TULP3: variants seen among roughly 807,000 people sequenced by gnomAD.
TULP3 encodes tubby-related protein 3.
A neutral mutation model predicts 50.7 loss-of-function variants in TULP3; 38 were observed. The observed-to-expected ratio is 0.75, with a 90% CI of 0.58 to 0.98. The LOEUF (loss-of-function observed/expected upper bound fraction) is 0.98, where lower values mean the gene tolerates loss of function less well. Ranked by LOEUF, TULP3 falls within the 50% of genes least tolerant of loss-of-function variation. The pLI, the probability that TULP3 is intolerant of heterozygous loss-of-function variation, is 0.00. For missense variants in TULP3, 550 were observed against 568.0 expected (o/e 0.97, Z 0.32); for synonymous variants, 183 against 196.6 (o/e 0.93, Z 0.58).
chr12:2,892,136 A>T (rs2098172490), intron 1 of TULP3, among the ~76,000 whole-genome samples: 1 of 152,090 alleles, frequency 6.6e-6, no homozygotes, highest in South Asian at 2.1e-4. Context: ...CCACTAGTAG[A>T]TATTTAAACA....
intron 1 of TULP3, among the ~76,000 whole-genome samples, chr12:2,906,413 C>T (rs2098182276): frequency 3.3e-5 from 5 of 151,244 alleles, no homozygotes; most frequent in Admixed American, 3.3e-4. Context: ...ACTGAATCCT[C>T]CGCCTCCTGG....
chr12:2,940,799 C>T lies in TULP3; in HGVS notation c.*1355C>T, dbSNP rs1035269253. The T allele has an allele frequency of 6.4e-5, 86 of 1,349,950 alleles. No individual in the cohort carries two copies. In the East Asian group the frequency reaches 1.4e-3, roughly 23 times the overall value. 83.6% of individuals were successfully genotyped at this position (1,349,950 alleles called of 1,614,324 possible). A position where few individuals can be genotyped will look rare whatever the true frequency, so the allele number is the denominator to read the frequency against. ...ACAAGTCCCACCTGCTGGGTGAGGA[C>T]GAGACTGTTTCCATCTCAGGCATGT... On this transcript the variant is annotated 3_prime_UTR_variant, in exon 11 of 11. Transcript: ENST00000448120.
At chr12:2,937,416 C>T (rs2098202023) in intron 8 of TULP3, among the ~76,000 whole-genome samples, 1 of 151,454 alleles carries the variant, frequency 6.6e-6, no homozygotes, top group African/African-American at 2.4e-5. Context: ...AGGGTTTCAC[C>T]ATGTTGGCCA....
chr12:2,908,799 CCTT>C (rs1349250450), intron 1 of TULP3, among the ~76,000 whole-genome samples: 3 of 151,888 alleles, frequency 2.0e-5, no homozygotes, highest in Non-Finnish European at 4.4e-5. Context: ...TTGTTTTTTT[CCTT>C]CTTCAAGCAA....
intron 8 of TULP3, among the ~76,000 whole-genome samples, chr12:2,937,200 A>ATTT (rs771074689): frequency 0.032 from 1,765 of 54,468 alleles, 631 homozygotes; most frequent in African/African-American, 0.064. Context: ...GGTACACCTG[A>ATTT]TTTTTTTTTT....
chr12:2,900,876 C>CTTTT (rs57315328), intron 1 of TULP3, among the ~76,000 whole-genome samples: 1 of 127,302 alleles, frequency 7.9e-6, no homozygotes, highest in Non-Finnish European at 1.6e-5. Flanking sequence ...AGCCGAAATA[C>CTTTT]TTTTTTTTTT....
intron 1 of TULP3, among the ~76,000 whole-genome samples, chr12:2,905,710 A>T (rs1416396980): frequency 8.8e-6 from 1 of 114,000 alleles, no homozygotes; most frequent in Non-Finnish European, 1.8e-5. Context: ...GCTTGATGAA[A>T]GGAATAAGTG....
chr12:2,912,540 G>A (rs2098186256), intron 2 of TULP3, among the ~76,000 whole-genome samples: 1 of 152,206 alleles, frequency 6.6e-6, no homozygotes, highest in Admixed American at 6.5e-5. Flanking sequence ...ATTCTGCTAT[G>A]GCAGTGTCCC....
intron 1 of TULP3, among the ~76,000 whole-genome samples, chr12:2,902,512 T>C (rs988213388): frequency 2.0e-5 from 3 of 152,194 alleles, no homozygotes; most frequent in Non-Finnish European, 4.4e-5. Flanking sequence ...TGGCACAGTG[T>C]AGGAAGCAGC....
At chr12:2,916,244 G>A (rs377667917) in intron 2 of TULP3, among the ~76,000 whole-genome samples, 78 of 150,052 alleles carry the variant, frequency 5.2e-4, no homozygotes, top group African/African-American at 1.8e-3. Flanking sequence ...TCAAGAGATC[G>A]GCCCACCTCA....
At position 2,937,851 on chromosome 12, in the gene TULP3, C is replaced by T. The variant is rs896784871; in HGVS notation, c.1023+122C>T. On this transcript the variant is annotated intron_variant, in intron 9 of 10. Transcript: ENST00000448120. ...CAGAGCCCCACACTGGAGATAGCTC[C>T]ATACACTTCTTTAGGAAAGCTGCCC... is the stretch of plus-strand genomic sequence containing the variant. 8.6e-6 allele frequency: 8 copies of T among 926,596 alleles called. No individual in the cohort carries two copies. The African/African-American group carries it at 1.4e-4, about 16-fold the overall frequency. The allele number at this position is 926,596 out of a possible 1,614,324, so 57.4% of individuals were successfully genotyped here. A position where few individuals can be genotyped will look rare whatever the true frequency, so the allele number is the denominator to read the frequency against.
rs1312042123 is a variant in TULP3, at chr12:2,939,586, CACAAAGAGCA to C, written c.*144_*153del. 8.1e-7 allele frequency: 1 copy of C among 1,233,894 alleles called. No homozygotes were observed. The highest frequency in any genetic ancestry group is 1.5e-5 in the African/African-American group (1 of 65,068). The allele number at this position is 1,233,894 out of a possible 1,614,324, so 76.4% of individuals were successfully genotyped here. ...GATCTCTGAATATATAAAACACACA[CACAAAGAGCA>C]ATAGTTTGCCCCTTTTGGAACGACC... On this transcript the variant is annotated 3_prime_UTR_variant, in exon 11 of 11. Transcript: ENST00000448120. The surrounding 1 kb of genome is among the most constrained non-coding windows in gnomAD (Gnocchi z 4.0).
Position 2,914,953 on chromosome 12 carries a change from T to C in TULP3, c.93+5373T>C, listed in dbSNP as rs569343813. Among the ~76,000 whole-genome samples, 7 of 151,688 alleles carry C rather than the reference T, an allele frequency of 4.6e-5. No homozygotes were observed. The South Asian group carries it at 1.0e-3, about 23-fold the overall frequency. ...TGGCAAGATACTCGTTTTCAGGGTATGTGGGCACCTTAGCAAGCTGCAGAA... is the reference window on the plus strand; with the variant it reads ...TGGCAAGATACTCGTTTTCAGGGTACGTGGGCACCTTAGCAAGCTGCAGAA... On this transcript the variant is annotated intron_variant, in intron 2 of 10. Coordinates refer to ENST00000448120, the MANE Select transcript of TULP3 (RefSeq NM_003324.5).
chr12:2,937,693 A>C lies in TULP3; in HGVS notation c.987A>C (p.Thr329=). The C allele has an allele frequency of 6.2e-7, 1 of 1,613,400 alleles. No individual in the cohort carries two copies. Among genetic ancestry groups the C allele is most frequent in the Middle Eastern group, 1.6e-4 (1 of 6,062 alleles). Residue 329 remains threonine (T), a synonymous_variant, in exon 9 of 11, where the codon ACA becomes ACC. Transcript: ENST00000448120. ...TGTCTGTGATCATTCCTGGAATGAC[A>C]CTGAATCATAAGCAGATCCCCTATC... ...RKMSVIIPGM[T]LNHKQIPYQP... is the part of the protein sequence containing the mutation.
chr12:2,921,808 G>A (rs1189414480), intron 3 of TULP3, among the ~76,000 whole-genome samples: 1 of 152,140 alleles, frequency 6.6e-6, no homozygotes, highest in Non-Finnish European at 1.5e-5. Context: ...ACCAGGCTGG[G>A]CGTGGTGGCT....
chr12:2,903,853 G>A (rs932952693), intron 1 of TULP3, among the ~76,000 whole-genome samples: 3 of 151,808 alleles, frequency 2.0e-5, no homozygotes, highest in Admixed American at 6.6e-5. Flanking sequence ...GCACGATCTC[G>A]GCTCACTGCA....
intron 1 of TULP3, among the ~76,000 whole-genome samples, chr12:2,891,456 C>G (rs1603503576): frequency 6.6e-6 from 1 of 152,186 alleles, no homozygotes; most frequent in African/African-American, 2.4e-5. Context: ...GAGCAGAGTC[C>G]GAGGAGCGGA....
intron 1 of TULP3, among the ~76,000 whole-genome samples, chr12:2,892,206 C>A (rs979639965): frequency 2.0e-5 from 3 of 151,970 alleles, no homozygotes; most frequent in Non-Finnish European, 4.4e-5. Context: ...CATGTATTTT[C>A]CTTTTTCGTC....
At chr12:2,933,554 T>C (rs1440734237) in intron 7 of TULP3, 24 bp downstream of exon 7, 2 of 1,434,844 alleles carry the variant, frequency 1.4e-6, no homozygotes, top group Non-Finnish European at 2.0e-6. Flanking sequence ...TAGATCACTG[T>C]CCTATTCTTT....
Sources: allele counts gnomAD v4.1 joint callset (sites outside exome capture counted in the v4.1 genomes callset), GRCh38; gene constraint gnomAD v4.1.1; non-coding constraint Gnocchi (gnomAD v3.1); transcripts MANE v1.5; gene names NCBI Gene and HGNC (gene_info 2026-07-23, HGNC 2026-07-21).